The following IL31RA variants were observed in gnomAD, a reference collection of about 807,000 sequenced individuals.
IL31RA encodes the protein interleukin 31 receptor A, also known as interleukin-31 receptor subunit alpha.
In IL31RA, 66 loss-of-function variants were observed where a neutral mutation model predicts 83.7. That is an observed-to-expected ratio of 0.79 (90% CI 0.65 to 0.97). IL31RA has a LOEUF of 0.97. Ranked by LOEUF, IL31RA falls within the 50% of genes least tolerant of loss-of-function variation. The pLI, the probability that IL31RA is intolerant of heterozygous loss-of-function variation, is 0.00. For synonymous variants in IL31RA, 325 were observed against 329.0 expected, an observed-to-expected ratio of 0.99 and a Z score of 0.13; for missense variants, 798 against 919.4, an observed-to-expected ratio of 0.87 and a Z score of 1.71.
chr5:55,851,297 C>T (rs779267973), upstream of IL31RA: 2 of 516,248 alleles, frequency 3.9e-6, no homozygotes, highest in Non-Finnish European at 7.0e-6. Flanking sequence ...TGGCTAATAA[C>T]AGTACTATGA....
intron 4 of IL31RA, among the ~76,000 whole-genome samples, chr5:55,875,362 T>C (rs1746779123): frequency 6.6e-6 from 1 of 152,196 alleles, no homozygotes; most frequent in African/African-American, 2.4e-5. Flanking sequence ...AGGGTAATAT[T>C]GGCCTCATAG....
Position 55,851,547 on chromosome 5 carries a change from C to T in IL31RA, c.-24C>T. The T allele has an allele frequency of 1.2e-6, 2 of 1,613,976 alleles. No homozygotes were observed. Among genetic ancestry groups the T allele is most frequent in the Non-Finnish European group, 1.7e-6 (2 of 1,179,898 alleles). ...AAATTGAGACAGGAAGGCAGAGTGTCAGCTTGTTCCACCTCAGCTGGGAAT... is the reference window on the plus strand; with the variant it reads ...AAATTGAGACAGGAAGGCAGAGTGTTAGCTTGTTCCACCTCAGCTGGGAAT... On this transcript the variant is annotated 5_prime_UTR_variant, in exon 1 of 15. Coordinates refer to ENST00000652347, the MANE Select transcript of IL31RA (RefSeq NM_139017.7).
chr5:55,914,963 C>A, intron 14 of IL31RA, 35 bp downstream of exon 14: 1 of 1,479,360 alleles, frequency 6.8e-7, no homozygotes, highest in Non-Finnish European at 9.5e-7. Flanking sequence ...GAAATCATTG[C>A]CGTGGGAGGT....
intron 6 of IL31RA, among the ~76,000 whole-genome samples, chr5:55,894,073 C>T (rs1477946794): frequency 6.6e-6 from 1 of 151,956 alleles, no homozygotes; most frequent in Admixed American, 6.6e-5. Flanking sequence ...CTGTATCTAT[C>T]CTTGAGATGA....
chr5:55,898,669 G>T (rs1748606621), intron 7 of IL31RA, among the ~76,000 whole-genome samples: 1 of 42,004 alleles, frequency 2.4e-5, no homozygotes, highest in Non-Finnish European at 4.1e-5. Context: ...ATATTAATAT[G>T]TTTTTTAAAA....
chr5:55,896,578 CCCCCCACCTTCCCCCTCCCCTCCCTT>C, intron 7 of IL31RA, 149 bp downstream of exon 7: 3 of 442,242 alleles, frequency 6.8e-6, no homozygotes, highest in Non-Finnish European at 1.2e-5. Context: ...CCCCTCCCTT[CCCCCCACCTTCCCCCTCCCCTCCCTT>C]CCCCCACCTT....
chr5:55,913,251 C>T (rs763260319), intron 12 of IL31RA, among the ~76,000 whole-genome samples: 23 of 151,980 alleles, frequency 1.5e-4, no homozygotes, highest in African/African-American at 3.4e-4. Context: ...CTATCACACC[C>T]GGCTAATTTT....
At position 55,892,155 on chromosome 5, in the gene IL31RA, A is replaced by G. The variant is rs191756199; in HGVS notation, c.772+2020A>G. On this transcript the variant is annotated intron_variant, in intron 6 of 14. Transcript: ENST00000652347. ...TGGATGAATACTTGGTGATGGCCAC[A>G]CATCTTCTTCTGAATGATGGACAAG... Among the ~76,000 whole-genome samples, 207 of 152,270 alleles carry G rather than the reference A, an allele frequency of 1.4e-3. 1 individual carries two copies. In the Middle Eastern group the frequency reaches 0.017, roughly 13 times the overall value.
At chr5:55,863,174 C>T (rs1745794251) in intron 2 of IL31RA, among the ~76,000 whole-genome samples, 1 of 152,174 alleles carries the variant, frequency 6.6e-6, no homozygotes, top group African/African-American at 2.4e-5. Context: ...ATTCCAGTTT[C>T]CCTCAACCCC....
chr5:55,855,734 C>T (rs764502890), intron 1 of IL31RA, among the ~76,000 whole-genome samples: 10 of 152,286 alleles, frequency 6.6e-5, no homozygotes, highest in Non-Finnish European at 1.3e-4. Context: ...AAATGTGTAG[C>T]GTTTCCCAGC....
chr5:55,860,791 G>A (rs192623837), intron 2 of IL31RA, among the ~76,000 whole-genome samples: 15 of 152,302 alleles, frequency 9.8e-5, no homozygotes, highest in South Asian at 4.1e-4. Context: ...GTCATGTAGC[G>A]TATTCGTGTG....
In IL31RA at chr5:55,851,740, A is replaced by G. The variant is rs1296491925; in HGVS notation, c.63+107A>G. On this transcript the variant is annotated intron_variant, in intron 1 of 14. Transcript: ENST00000652347. ...TTGATTTTACCTACCTAGTGTCTCA[A>G]ATCCTGAGCCGTATGAGATTCCGTG... 1.9e-6 allele frequency: 3 copies of G among 1,606,424 alleles called. No homozygotes were observed. In the African/African-American group the frequency reaches 4.0e-5, roughly 21 times the overall value.
Position 55,919,824 on chromosome 5 carries a change from C to T in IL31RA, c.*2704C>T, listed in dbSNP as rs1389952902. Among the ~76,000 whole-genome samples, 3 of 152,176 alleles carry T rather than the reference C, an allele frequency of 2.0e-5. No individual in the cohort carries two copies. The highest frequency in any genetic ancestry group is 1.9e-4 in the East Asian group (1 of 5,196). On this transcript the variant is annotated 3_prime_UTR_variant, in exon 15 of 15. Coordinates refer to ENST00000652347, the MANE Select transcript of IL31RA (RefSeq NM_139017.7). ...GCGCAGGTGACTTCCTCTCCTGGATCGAGTCACCAACTGTCCCCGCTCTGG... is the reference window on the plus strand; with the variant it reads ...GCGCAGGTGACTTCCTCTCCTGGATTGAGTCACCAACTGTCCCCGCTCTGG...
At chr5:55,859,023 T>A (rs551945632) in intron 1 of IL31RA, among the ~76,000 whole-genome samples, 63 of 152,230 alleles carry the variant, frequency 4.1e-4, no homozygotes, top group African/African-American at 1.4e-3. Flanking sequence ...AGAGAGGGCG[T>A]CTTAGGGAAG....
intron 2 of IL31RA, among the ~76,000 whole-genome samples, chr5:55,867,535 T>A (rs2112357753): frequency 6.6e-6 from 1 of 152,290 alleles, no homozygotes; most frequent in East Asian, 1.9e-4. Context: ...GTCTTCTTTA[T>A]TAACACATTA....
At chr5:55,883,231 G>A (rs913795171) in intron 5 of IL31RA, 36 bp downstream of exon 5, 1 of 1,526,224 alleles carries the variant, frequency 6.6e-7, no homozygotes, top group Non-Finnish European at 9.1e-7. Context: ...TCCAATTAGA[G>A]GCCCAGAGGA....
chr5:55,916,914 C>G lies in IL31RA; in HGVS notation c.2089C>G (p.Pro697Ala). Reference protein sequence around the residue: ...EELPVSPEIPPRKSQYLRSRM... With the variant: ...EELPVSPEIPARKSQYLRSRM... ...GCTCCCAGTTTCACCTGAGATTCCGCCCAGAAAATCCCAATACCTACGTTC... is the reference window on the plus strand; with the variant it reads ...GCTCCCAGTTTCACCTGAGATTCCGGCCAGAAAATCCCAATACCTACGTTC... Residue 697 changes from proline (P) to alanine (A), a missense_variant, in exon 15 of 15, where the codon CCC becomes GCC. Pro to Ala is a conservative substitution (Grantham distance 27, BLOSUM62 -1). Coordinates refer to ENST00000652347, the MANE Select transcript of IL31RA (RefSeq NM_139017.7). 6.2e-7 allele frequency: 1 copy of G among 1,614,078 alleles called. No homozygotes were observed. Among genetic ancestry groups the G allele is most frequent in the Non-Finnish European group, 8.5e-7 (1 of 1,179,946 alleles).
intron 1 of IL31RA, among the ~76,000 whole-genome samples, chr5:55,853,055 A>G (rs1426837170): frequency 6.6e-6 from 1 of 152,206 alleles, no homozygotes; most frequent in Admixed American, 6.5e-5. Context: ...TTTAGACGTA[A>G]ATAAGAATTT....
At chr5:55,915,129 G>A (rs1295429535) in intron 14 of IL31RA, among the ~76,000 whole-genome samples, 2 of 152,194 alleles carry the variant, frequency 1.3e-5, no homozygotes, top group Non-Finnish European at 2.9e-5. Flanking sequence ...TTTGACAAGG[G>A]GAAAGGGCTT....
Sources: gnomAD v4.1 joint callset for allele counts (sites outside exome capture counted in the v4.1 genomes callset) on GRCh38, gnomAD v4.1.1 for gene constraint, MANE v1.5 for transcripts, NCBI Gene and HGNC (gene_info 2026-07-23, HGNC 2026-07-21) for gene names.